The following SPMIP4 variants were observed in gnomAD, a reference collection of about 807,000 sequenced individuals.
The protein encoded by SPMIP4 is sperm-associated microtubule inner protein 4.
the SPMIP4 span, among the ~76,000 whole-genome samples, chr7:25,160,659 T>C: frequency 6.6e-6 from 1 of 152,214 alleles, no homozygotes; most frequent in African/African-American, 2.4e-5. Context: ...CGACAAACTA[T>C]TTAAAAGTGT....
the SPMIP4 span, among the ~76,000 whole-genome samples, chr7:25,140,136 ATACT>A: frequency 6.6e-6 from 1 of 152,250 alleles, no homozygotes; most frequent in African/African-American, 2.4e-5. Flanking sequence ...AATATTTTCT[ATACT>A]TAGAGAATGC....
At chr7:25,154,864 G>A in the SPMIP4 span, 2 of 728,018 alleles carry the variant, frequency 2.7e-6, no homozygotes, top group African/African-American at 3.6e-5. Flanking sequence ...CAGCTGATTT[G>A]TAAAGTCGCA....
the SPMIP4 span, among the ~76,000 whole-genome samples, chr7:25,129,282 T>C: frequency 1.3e-5 from 2 of 152,224 alleles, no homozygotes; most frequent in African/African-American, 4.8e-5. Flanking sequence ...TAGCCCACGG[T>C]AGCTGGGCCT....
chr7:25,166,900 A>AG, the SPMIP4 span, among the ~76,000 whole-genome samples: 1 of 152,102 alleles, frequency 6.6e-6, no homozygotes, highest in African/African-American at 2.4e-5. Flanking sequence ...CACCTCAAAA[A>AG]AAAAAATTAA....
At chr7:25,179,367 G>A in the SPMIP4 span, 2 of 1,569,058 alleles carry the variant, frequency 1.3e-6, no homozygotes, top group Non-Finnish European at 1.7e-6. Flanking sequence ...TTGGCTTGTC[G>A]AGTCAAGGCA....
At chr7:25,146,428 G>A in the SPMIP4 span, among the ~76,000 whole-genome samples, 2 of 152,204 alleles carry the variant, frequency 1.3e-5, no homozygotes, top group African/African-American at 4.8e-5. Flanking sequence ...TCATGGAGAG[G>A]TGCACTGTGG....
At chr7:25,126,006 G>A in the SPMIP4 span, 1 of 951,450 alleles carries the variant, frequency 1.1e-6, no homozygotes, top group Non-Finnish European at 1.3e-6. Context: ...AGGATGCAAT[G>A]ATAACATTTA....
At chr7:25,174,196 C>G in the SPMIP4 span, among the ~76,000 whole-genome samples, 4 of 152,016 alleles carry the variant, frequency 2.6e-5, no homozygotes, top group Non-Finnish European at 4.4e-5. This position sits in a 1 kb window ranked among gnomAD's most constrained non-coding sequence, Gnocchi z 4.5. Flanking sequence ...TTCCCCCTCT[C>G]TCTCCGTCTC....
At chr7:25,171,797 A>T in the SPMIP4 span, among the ~76,000 whole-genome samples, 1 of 152,220 alleles carries the variant, frequency 6.6e-6, no homozygotes, top group Non-Finnish European at 1.5e-5. Flanking sequence ...CATCTACACA[A>T]GAAGCTGGGA....
the SPMIP4 span, among the ~76,000 whole-genome samples, chr7:25,175,985 T>C: frequency 6.6e-6 from 1 of 152,242 alleles, no homozygotes; most frequent in Admixed American, 6.5e-5. Flanking sequence ...ATCTGGTGAT[T>C]GTGAAAGGAA....
the SPMIP4 span, chr7:25,126,044 G>A: frequency 1.9e-6 from 1 of 527,726 alleles, no homozygotes; most frequent in Non-Finnish European, 2.2e-6. Flanking sequence ...TTATGAGTAC[G>A]AAGTAGGTAA....
At chr7:25,132,538 C>T in the SPMIP4 span, among the ~76,000 whole-genome samples, 1 of 151,934 alleles carries the variant, frequency 6.6e-6, no homozygotes, top group Non-Finnish European at 1.5e-5. The surrounding 1 kb of genome is among the most constrained non-coding windows in gnomAD (Gnocchi z 5.0). Flanking sequence ...GTTAAAATTC[C>T]ATAAGAAATG....
the SPMIP4 span, among the ~76,000 whole-genome samples, chr7:25,147,983 C>A: frequency 3.3e-5 from 5 of 152,182 alleles, no homozygotes; most frequent in Non-Finnish European, 5.9e-5. Flanking sequence ...AGGGAAAGTA[C>A]TAACATACGG....
At chr7:25,152,374 A>G in the SPMIP4 span, among the ~76,000 whole-genome samples, 1 of 152,264 alleles carries the variant, frequency 6.6e-6, no homozygotes, top group East Asian at 1.9e-4. Flanking sequence ...TCTCGTGATA[A>G]GTTTCAAGTT....
At chr7:25,129,673 C>T in the SPMIP4 span, among the ~76,000 whole-genome samples, 5 of 151,902 alleles carry the variant, frequency 3.3e-5, no homozygotes, top group Non-Finnish European at 7.4e-5. Flanking sequence ...GTTCCTATGT[C>T]GGGGGCAATT....
the SPMIP4 span, among the ~76,000 whole-genome samples, chr7:25,129,068 C>T: frequency 6.6e-6 from 1 of 152,348 alleles, no homozygotes; most frequent in East Asian, 1.9e-4. Flanking sequence ...GAAGGAGTCT[C>T]TCCCAGTACT....
the SPMIP4 span, among the ~76,000 whole-genome samples, chr7:25,141,332 G>T: frequency 6.6e-6 from 1 of 152,110 alleles, no homozygotes; most frequent in African/African-American, 2.4e-5. Context: ...CCAGCACTTT[G>T]GGAGGCCGAG....
chr7:25,177,090 T>C, the SPMIP4 span, among the ~76,000 whole-genome samples: 3 of 152,196 alleles, frequency 2.0e-5, no homozygotes, highest in South Asian at 2.1e-4. Flanking sequence ...AAGGGAAAAA[T>C]TGTTCACATT....
chr7:25,168,122 TTTA>T, the SPMIP4 span, among the ~76,000 whole-genome samples: 4 of 152,268 alleles, frequency 2.6e-5, no homozygotes, highest in African/African-American at 4.8e-5. Flanking sequence ...AAACCATTCA[TTTA>T]TTATTATTTC....
Sources: gnomAD v4.1 joint callset for allele counts (sites outside exome capture counted in the v4.1 genomes callset) on GRCh38, gnomAD v4.1.1 for gene constraint, Gnocchi (gnomAD v3.1) non-coding constraint, MANE v1.5 for transcripts, NCBI Gene and HGNC (gene_info 2026-07-23, HGNC 2026-07-21) for gene names.